The following TRMT44 variants were observed in gnomAD, a reference collection of about 807,000 sequenced individuals.
The protein encoded by TRMT44 is tRNA methyltransferase 44 homolog, also known as probable tRNA (uracil-O(2)-)-methyltransferase.
In TRMT44, 78 loss-of-function variants were observed where a neutral mutation model predicts 77.3. The ratio of observed to expected loss-of-function variants is 1.01; its 90% confidence interval spans 0.84 to 1.22. The LOEUF is 1.22. Among genes scored for constraint, TRMT44 ranks in the 50% most tolerant of loss-of-function variants. The pLI is 0.00. For synonymous variants in TRMT44, 391 were observed against 383.3 expected (o/e 1.02, Z -0.23); for missense variants, 1,090 against 964.4 (o/e 1.13, Z -1.73).
chr4:8,484,666 T>C, intron 2 of TRMT44, among the ~76,000 whole-genome samples: 1 of 152,116 alleles, frequency 6.6e-6, no homozygotes, highest in African/African-American at 2.4e-5. Flanking sequence ...AGGGGGCAGT[T>C]TCTAAAGTTG....
At position 8,465,579 on chromosome 4, in the gene TRMT44, G is replaced by A. The variant is rs770878975; in HGVS notation, c.1494+18G>A. ...CCAAAAGAGTATGTCTGATTCTCAT[G>A]TTGTTCTAGGCGGTGTGTCGGTGTT... On this transcript the variant is annotated intron_variant, in intron 8 of 10. Transcript: ENST00000389737. 1.2e-6 allele frequency: 2 copies of A among 1,604,086 alleles called. No homozygotes were observed. The highest frequency in any genetic ancestry group is 1.7e-6 in the Non-Finnish European group (2 of 1,174,220).
At chr4:8,458,733 GT>G (rs1295776764) in intron 6 of TRMT44, among the ~76,000 whole-genome samples, 1 of 151,978 alleles carries the variant, frequency 6.6e-6, no homozygotes, top group East Asian at 1.9e-4. Context: ...GTGATTACAG[GT>G]GTGAACCACT....
At chr4:8,470,828 C>T (rs1726939807) in intron 9 of TRMT44, 2 of 353,686 alleles carry the variant, frequency 5.7e-6, no homozygotes, top group Non-Finnish European at 1.0e-5. Flanking sequence ...TCACCTGACG[C>T]CTGGCCCTGT....
downstream of TRMT44, chr4:8,477,799 C>T (rs976271389): frequency 2.0e-5 from 3 of 152,582 alleles, no homozygotes; most frequent in African/African-American, 7.2e-5. Context: ...CTCGCTGGAG[C>T]TCTCCCTGCA....
intron 2 of TRMT44, among the ~76,000 whole-genome samples, chr4:8,486,208 C>T (rs1212150813): frequency 6.6e-6 from 1 of 152,206 alleles, no homozygotes; most frequent in African/African-American, 2.4e-5. Context: ...TGCGGGCATT[C>T]CTTGGCCTGG....
At chr4:8,494,274 G>A (rs1191089482), downstream of TRMT44, among the ~76,000 whole-genome samples, 1 of 152,074 alleles carries the variant, frequency 6.6e-6, no homozygotes, top group Non-Finnish European at 1.5e-5. Context: ...TGGGCCCCAA[G>A]ATCTTCACCC....
chr4:8,489,934 T>G (rs2109231219), intron 2 of TRMT44, among the ~76,000 whole-genome samples: 1 of 152,328 alleles, frequency 6.6e-6, no homozygotes, highest in African/African-American at 2.4e-5. Context: ...GACATGCAAC[T>G]TCCCCAATTA....
intron 3 of TRMT44, among the ~76,000 whole-genome samples, chr4:8,450,996 G>A (rs1415202633): frequency 1.4e-5 from 2 of 147,128 alleles, no homozygotes; most frequent in African/African-American, 5.1e-5. Context: ...ATGTTTCCCA[G>A]GGCTCAAGTG....
In TRMT44 at chr4:8,452,104, A is replaced by C. The variant is rs1444003667; in HGVS notation, c.1023+76A>C. The C allele has an allele frequency of 7.5e-7, 1 of 1,332,352 alleles. No homozygotes were observed. The highest frequency in any genetic ancestry group is 1.0e-6 in the Non-Finnish European group (1 of 962,876). The allele number at this position is 1,332,352 out of a possible 1,614,324, so 82.5% of individuals were successfully genotyped here. On this transcript the variant is annotated intron_variant, in intron 4 of 10. Coordinates refer to ENST00000389737, the MANE Select transcript of TRMT44 (RefSeq NM_152544.3). The surrounding 1 kb of genome is among the most constrained non-coding windows in gnomAD (Gnocchi z 5.7). ...AGGCAGATGTTCCCTGTAGTGAAGG[A>C]CATTTTCCAAATCCATAACTGCCGG...
At position 8,467,930 on chromosome 4, in the gene TRMT44, A is replaced by T; in HGVS notation, c.1511A>T (p.Lys504Ile). 1 of 1,601,402 alleles carries T rather than the reference A, an allele frequency of 6.2e-7. No individual in the cohort carries two copies. The highest frequency in any genetic ancestry group is 8.5e-7 in the Non-Finnish European group (1 of 1,170,854). ...PSTKRVCLVG[K>I]SRTYPSSREA... is the part of the protein sequence containing the mutation. The stretch of plus-strand genomic sequence containing the variant: ...CAAACGCAGGTCTGTCTCGTTGGAA[A>T]ATCCAGAACATACCCTTCCTCCAGA... The change falls in exon 9 of 11, where the codon AAA becomes ATA. Residue 504 changes from lysine (K) to isoleucine (I), a missense_variant. Transcript: ENST00000389737.
At chr4:8,463,489 C>T (rs1375269377) in intron 6 of TRMT44, among the ~76,000 whole-genome samples, 2 of 151,980 alleles carry the variant, frequency 1.3e-5, no homozygotes, top group Non-Finnish European at 2.9e-5. Context: ...CGTGTATTTA[C>T]ATATGTAAAT....
At chr4:8,471,521 C>T (rs553572013) in intron 10 of TRMT44, among the ~76,000 whole-genome samples, 8 of 152,372 alleles carry the variant, frequency 5.3e-5, no homozygotes, top group African/African-American at 1.2e-4. Flanking sequence ...AGCCGCTGGC[C>T]GGTCCCCTGT....
chr4:8,481,703 AACAC>A (rs562533855), intron 2 of TRMT44, among the ~76,000 whole-genome samples: 1 of 152,218 alleles, frequency 6.6e-6, no homozygotes, highest in Non-Finnish European at 1.5e-5. Flanking sequence ...TGAAAAGAGA[AACAC>A]ACACATTAGC....
the TRMT44 span, among the ~76,000 whole-genome samples, chr4:8,502,356 G>A: frequency 6.6e-6 from 1 of 152,220 alleles, no homozygotes; most frequent in Non-Finnish European, 1.5e-5. Flanking sequence ...GGAGGGAGAG[G>A]AAGCTTCTGA....
At chr4:8,515,014 G>A in the TRMT44 span, among the ~76,000 whole-genome samples, 1 of 152,274 alleles carries the variant, frequency 6.6e-6, no homozygotes, top group Non-Finnish European at 1.5e-5. Context: ...CACCCAGACT[G>A]GTGTGCAGTG....
rs528914031 is a variant in TRMT44, at chr4:8,461,308, T to C, written c.1204-2677T>C. On this transcript the variant is annotated intron_variant, in intron 6 of 10. Coordinates refer to ENST00000389737, the MANE Select transcript of TRMT44 (RefSeq NM_152544.3). This position sits in a 1 kb window ranked among gnomAD's most constrained non-coding sequence, Gnocchi z 4.6. ...GTGCACTCGGGAGGCTCTGCAAATA[T>C]GTGTGTAGACTATAGACTCTCACAC... 2.6e-5 allele frequency among the ~76,000 whole-genome samples: 4 copies of C among 152,208 alleles called. No homozygotes were observed. Among genetic ancestry groups the C allele is most frequent in the African/African-American group, 4.8e-5 (2 of 41,456 alleles).
chr4:8,496,987 G>T (rs1728167869), downstream of TRMT44, among the ~76,000 whole-genome samples: 1 of 152,054 alleles, frequency 6.6e-6, no homozygotes, highest in African/African-American at 2.4e-5. Context: ...TTCACTCTAA[G>T]AAAAGTAAAA....
the TRMT44 span, among the ~76,000 whole-genome samples, chr4:8,504,463 A>G: frequency 1.3e-5 from 2 of 150,958 alleles, no homozygotes; most frequent in Admixed American, 1.3e-4. This position sits in a 1 kb window ranked among gnomAD's most constrained non-coding sequence, Gnocchi z 5.3. Context: ...GCCCCGCCCC[A>G]CTCATTGTGT....
chr4:8,495,690 G>A (rs893708207), downstream of TRMT44, among the ~76,000 whole-genome samples: 9 of 152,226 alleles, frequency 5.9e-5, no homozygotes, highest in South Asian at 2.1e-4. Context: ...GTGTCTCAGC[G>A]CACACCCTGT....
Sources: gnomAD v4.1 joint callset for allele counts (sites outside exome capture counted in the v4.1 genomes callset) on GRCh38, gnomAD v4.1.1 for gene constraint, Gnocchi (gnomAD v3.1) non-coding constraint, MANE v1.5 for transcripts, NCBI Gene and HGNC (gene_info 2026-07-23, HGNC 2026-07-21) for gene names.